The following ZBTB46 variants were observed in gnomAD, a reference collection of about 807,000 sequenced individuals.
ZBTB46 encodes the protein zinc finger and BTB domain-containing protein 46.
Under a neutral mutation model 44.1 loss-of-function variants are expected in ZBTB46, and 8 were observed. The observed-to-expected ratio is 0.18, with a 90% CI of 0.11 to 0.33. ZBTB46 has a LOEUF of 0.33. ZBTB46 is among the 10% of genes least tolerant of loss of function. The probability of loss-of-function intolerance (pLI) is 1.00; values close to 1 mark genes in which losing one functional copy is unlikely to be tolerated. For synonymous variants in ZBTB46, 409 were observed against 382.3 expected (o/e 1.07, Z -0.81); for missense variants, 651 against 847.7 (o/e 0.77, Z 2.88).
rs535734549 is a variant in ZBTB46 at position 63,806,805 on chromosome 20, TG to T, written c.-33-16016del. On this transcript the variant is annotated intron_variant, in intron 1 of 4. Transcript: ENST00000245663. Reference sequence around the variant, plus strand: ...TTTGTTTTGGTTTTTTTTTTTGAGATGGAGTCTCGCTCTGTCGGCCAGGATG... The same window carrying T: ...TTTGTTTTGGTTTTTTTTTTTGAGATGAGTCTCGCTCTGTCGGCCAGGATG... Among the ~76,000 whole-genome samples the T allele has an allele frequency of 4.7e-4, 71 of 151,252 alleles. No individual in the cohort carries two copies. In the Middle Eastern group the frequency reaches 0.021, roughly 44 times the overall value.
intron 3 of ZBTB46, among the ~76,000 whole-genome samples, chr20:63,772,509 A>G (rs1200895344): frequency 1.3e-5 from 2 of 151,532 alleles, no homozygotes; most frequent in African/African-American, 4.8e-5. Flanking sequence ...GCCTGAGCTC[A>G]GGAGTTCGAG....
intron 1 of ZBTB46, among the ~76,000 whole-genome samples, chr20:63,821,318 CTAT>C (rs1268314955): frequency 6.6e-6 from 1 of 150,900 alleles, no homozygotes; most frequent in East Asian, 2.0e-4. Context: ...GCCATTATTA[CTAT>C]TATTATTTTT....
chr20:63,831,957 G>A (rs888780213), upstream of ZBTB46, among the ~76,000 whole-genome samples: 4 of 152,028 alleles, frequency 2.6e-5, no homozygotes. Flanking sequence ...ACCCTCGGGG[G>A]CCTCGGCGCA....
Position 63,752,962 on chromosome 20 carries a change from G to T in ZBTB46, c.1223-101C>A. On this transcript the variant is annotated intron_variant, in intron 3 of 4. Transcript: ENST00000245663. The surrounding 1 kb of genome is among the most constrained non-coding windows in gnomAD (Gnocchi z 5.6). ...CGCCGCAGCCCAGCAGCCAGGACGG[G>T]CTGTCTCCCACGGCCACCCACTGGG... is the stretch of plus-strand genomic sequence containing the variant. 1 of 1,352,374 alleles carries T rather than the reference G, an allele frequency of 7.4e-7. No homozygotes were observed. The highest frequency in any genetic ancestry group is 9.9e-7 in the Non-Finnish European group (1 of 1,009,044). The allele number at this position is 1,352,374 out of a possible 1,614,324, so 83.8% of individuals were successfully genotyped here. A position where few individuals can be genotyped will look rare whatever the true frequency, so the allele number is the denominator to read the frequency against.
At position 63,803,381 on chromosome 20, in the gene ZBTB46, C is replaced by A. The variant is rs982543796; in HGVS notation, c.-33-12591G>T. 7 of 985,352 alleles carry A rather than the reference C, an allele frequency of 7.1e-6. No individual in the cohort carries two copies. The African/African-American group carries it at 1.2e-4, about 17-fold the overall frequency. 61.0% of individuals were successfully genotyped at this position (985,352 alleles called of 1,614,324 possible). On this transcript the variant is annotated intron_variant, in intron 1 of 4. Transcript: ENST00000245663. The surrounding 1 kb of genome is among the most constrained non-coding windows in gnomAD (Gnocchi z 4.0). ...TCAAAATTTTTAAGTGAGCTCCTGA[C>A]TAGAAAACACTCCAAGACATGTTAG... is the stretch of plus-strand genomic sequence containing the variant.
chr20:63,781,161 A>G (rs1173854544), intron 2 of ZBTB46, among the ~76,000 whole-genome samples: 1 of 146,970 alleles, frequency 6.8e-6, no homozygotes, highest in Non-Finnish European at 1.5e-5. Flanking sequence ...AAAAAAAAAA[A>G]AAGAAAGAAA....
intron 1 of ZBTB46, among the ~76,000 whole-genome samples, chr20:63,804,406 A>G (rs2092668507): frequency 6.6e-6 from 1 of 152,096 alleles, no homozygotes; most frequent in African/African-American, 2.4e-5. Context: ...CATGAATCAC[A>G]ACAGCAGTCC....
chr20:63,771,144 G>A (rs921111486), intron 3 of ZBTB46, among the ~76,000 whole-genome samples: 3 of 152,222 alleles, frequency 2.0e-5, no homozygotes, highest in Non-Finnish European at 2.9e-5. Context: ...CTGCTCTGAG[G>A]GCTGGGTACC....
At chr20:63,753,347 T>G (rs1387985977) in intron 3 of ZBTB46, among the ~76,000 whole-genome samples, 1 of 152,032 alleles carries the variant, frequency 6.6e-6, no homozygotes. Context: ...GAGATGTGGG[T>G]GCAACTCAAA....
intron 3 of ZBTB46, chr20:63,769,505 A>C: frequency 4.3e-6 from 4 of 939,732 alleles, no homozygotes; most frequent in Non-Finnish European, 5.1e-6. Context: ...TGATGCCCCA[A>C]GGGTCTCGCT....
At chr20:63,768,233 G>C (rs370026005) in intron 3 of ZBTB46, 1 of 636,128 alleles carries the variant, frequency 1.6e-6, no homozygotes, top group African/African-American at 2.0e-5. Context: ...GAAACGACTC[G>C]TGTGGGAATA....
chr20:63,819,764 C>T lies in ZBTB46; in HGVS notation c.-34+11333G>A, dbSNP rs148249562. Among the ~76,000 whole-genome samples the T allele has an allele frequency of 3.6e-3, 544 of 152,264 alleles. 5 individuals carry two copies. The highest frequency in any genetic ancestry group is 0.013 in the African/African-American group (524 of 41,554). The stretch of plus-strand genomic sequence containing the variant: ...TTAGTGCCACCTCGTAACTCCCTGC[C>T]TCACTCCGCCAACAAGTAAGAAAAG... On this transcript the variant is annotated intron_variant, in intron 1 of 4. Coordinates refer to ENST00000245663, the MANE Select transcript of ZBTB46 (RefSeq NM_001369741.1).
intron 4 of ZBTB46, among the ~76,000 whole-genome samples, chr20:63,750,159 G>A (rs1025462856): frequency 6.6e-6 from 1 of 152,204 alleles, no homozygotes; most frequent in African/African-American, 2.4e-5. Flanking sequence ...CTCACACTCG[G>A]GTCTCCACGC....
chr20:63,820,609 T>C (rs1337588443), intron 1 of ZBTB46, among the ~76,000 whole-genome samples: 1 of 151,536 alleles, frequency 6.6e-6, no homozygotes, highest in Non-Finnish European at 1.5e-5. Flanking sequence ...ATTTTGAATG[T>C]TTGGTAGAGA....
At chr20:63,771,898 C>T (rs1204040027) in intron 3 of ZBTB46, among the ~76,000 whole-genome samples, 1 of 152,008 alleles carries the variant, frequency 6.6e-6, no homozygotes, top group East Asian at 1.9e-4. Context: ...AGTTCTACAG[C>T]CACTCTGCTG....
chr20:63,749,772 C>A (rs1215007515), intron 4 of ZBTB46, among the ~76,000 whole-genome samples: 1 of 152,210 alleles, frequency 6.6e-6, no homozygotes, highest in Non-Finnish European at 1.5e-5. Context: ...AACACTGAGG[C>A]CCCTTGAGGC....
intron 3 of ZBTB46, among the ~76,000 whole-genome samples, chr20:63,755,885 C>T (rs1004792657): frequency 9.9e-5 from 15 of 152,214 alleles, no homozygotes; most frequent in Admixed American, 7.9e-4. Context: ...CACGACCTGT[C>T]CTAAAAACGG....
At chr20:63,782,301 C>T (rs987032659) in intron 2 of ZBTB46, among the ~76,000 whole-genome samples, 1 of 151,944 alleles carries the variant, frequency 6.6e-6, no homozygotes, top group Non-Finnish European at 1.5e-5. Flanking sequence ...GGGCCCTAAA[C>T]GGACCCACCA....
chr20:63,752,675 C>T lies in ZBTB46; in HGVS notation c.1398+11G>A. 1 of 1,558,462 alleles carries T rather than the reference C, an allele frequency of 6.4e-7. No individual in the cohort carries two copies. Among genetic ancestry groups the T allele is most frequent in the South Asian group, 1.2e-5 (1 of 85,138 alleles). On this transcript the variant is annotated intron_variant, in intron 4 of 4. Transcript: ENST00000245663. This position sits in a 1 kb window ranked among gnomAD's most constrained non-coding sequence, Gnocchi z 5.6. ...CGCAGCGCGCGGCACGCGGACCCTC[C>T]CCGCACTCACCAGCGTGTGGCGCTT...
Sources: gnomAD v4.1 joint callset for allele counts (sites outside exome capture counted in the v4.1 genomes callset) on GRCh38, gnomAD v4.1.1 for gene constraint, Gnocchi (gnomAD v3.1) non-coding constraint, MANE v1.5 for transcripts, NCBI Gene and HGNC (gene_info 2026-07-23, HGNC 2026-07-21) for gene names.